The following SNTB1 variants were observed in gnomAD, a reference collection of about 807,000 sequenced individuals.
SNTB1 encodes the protein syntrophin beta 1, also known as beta-1-syntrophin.
A neutral mutation model predicts 48.9 loss-of-function variants in SNTB1; 36 were observed. That is an observed-to-expected ratio of 0.74 (90% CI 0.56 to 0.97). The LOEUF (loss-of-function observed/expected upper bound fraction) is 0.97, where lower values mean the gene tolerates loss of function less well. SNTB1 is among the 50% of genes least tolerant of loss of function. The pLI, the probability that SNTB1 is intolerant of heterozygous loss-of-function variation, is 0.00. For synonymous variants in SNTB1, 299 were observed against 294.6 expected (o/e 1.01, Z -0.15); for missense variants, 786 against 703.4 (o/e 1.12, Z -1.33).
At chr8:120,689,576 C>A (rs1039073688) in intron 2 of SNTB1, among the ~76,000 whole-genome samples, 1 of 152,216 alleles carries the variant, frequency 6.6e-6, no homozygotes, top group African/African-American at 2.4e-5. Flanking sequence ...TAAGATTCCA[C>A]TGTGGGTCTA....
At chr8:120,736,102 G>A (rs1818938758) in intron 1 of SNTB1, among the ~76,000 whole-genome samples, 1 of 152,118 alleles carries the variant, frequency 6.6e-6, no homozygotes, top group Admixed American at 6.5e-5. Context: ...TCACAAGGCG[G>A]CAGGAAGGAG....
At chr8:120,588,035 A>G (rs1157336392) in intron 3 of SNTB1, among the ~76,000 whole-genome samples, 1 of 152,194 alleles carries the variant, frequency 6.6e-6, no homozygotes, top group African/African-American at 2.4e-5. Flanking sequence ...TGAAAGGGAG[A>G]TAACATTATT....
At chr8:120,700,134 T>G (rs759804701) in intron 1 of SNTB1, among the ~76,000 whole-genome samples, 1 of 150,584 alleles carries the variant, frequency 6.6e-6, no homozygotes, top group Non-Finnish European at 1.5e-5. Flanking sequence ...GCAATACTGA[T>G]TCTCGCTCTG....
intron 3 of SNTB1, among the ~76,000 whole-genome samples, chr8:120,576,816 G>C (rs1815959223): frequency 6.6e-6 from 1 of 152,160 alleles, no homozygotes; most frequent in East Asian, 1.9e-4. Context: ...GATTAAATGA[G>C]CTAAAATTTG....
At chr8:120,542,621 T>C (rs1284561314) in intron 5 of SNTB1, among the ~76,000 whole-genome samples, 1 of 151,988 alleles carries the variant, frequency 6.6e-6, no homozygotes. Flanking sequence ...TCCACTGTAC[T>C]CCAGCCTGGG....
Position 120,670,144 on chromosome 8 carries a change from G to A in SNTB1, c.788+23548C>T, listed in dbSNP as rs113650627. ...CTATTATGTGCTTTAGGACACAAACGAAATATGGGATTGTGCTTCAGCATG... is the reference window on the plus strand; with the variant it reads ...CTATTATGTGCTTTAGGACACAAACAAAATATGGGATTGTGCTTCAGCATG... On this transcript the variant is annotated intron_variant, in intron 2 of 6. Transcript: ENST00000517992. Among the ~76,000 whole-genome samples the A allele has an allele frequency of 6.9e-3, 1,046 of 152,292 alleles. 2 individuals are homozygous for A. The highest frequency in any genetic ancestry group is 0.017 in the Middle Eastern group (5 of 294).
intron 3 of SNTB1, among the ~76,000 whole-genome samples, chr8:120,626,222 TAG>T (rs906710966): frequency 7.4e-4 from 112 of 150,526 alleles, no homozygotes; most frequent in African/African-American, 2.5e-3. Context: ...TATATATATA[TAG>T]AGAGAGAGAG....
rs1374297496 is a variant in SNTB1 at position 120,750,611 on chromosome 8, T to A, written c.572-56703A>T. 1.3e-5 allele frequency among the ~76,000 whole-genome samples: 2 copies of A among 152,242 alleles called. 1 individual carries two copies. The highest frequency in any genetic ancestry group is 6.8e-3 in the Middle Eastern group (2 of 294). ...GGACCTCTGACTCTTGGGAGAAAGATGCTGCCGAAAAGGGAATTGATTATA... is the reference window on the plus strand; with the variant it reads ...GGACCTCTGACTCTTGGGAGAAAGAAGCTGCCGAAAAGGGAATTGATTATA... On this transcript the variant is annotated intron_variant, in intron 1 of 6. Coordinates refer to ENST00000517992, the MANE Select transcript of SNTB1 (RefSeq NM_021021.4).
intron 1 of SNTB1, among the ~76,000 whole-genome samples, chr8:120,729,254 G>T (rs979784679): frequency 6.6e-6 from 1 of 152,196 alleles, no homozygotes; most frequent in Non-Finnish European, 1.5e-5. Context: ...AAAGTGCTGG[G>T]ATTACAGGCG....
At chr8:120,799,458 G>A (rs1820178492) in intron 1 of SNTB1, among the ~76,000 whole-genome samples, 1 of 151,804 alleles carries the variant, frequency 6.6e-6, no homozygotes, top group Non-Finnish European at 1.5e-5. Context: ...AAAACAACAA[G>A]AGGATGCTAT....
chr8:120,744,084 C>G (rs962631046), intron 1 of SNTB1, among the ~76,000 whole-genome samples: 1 of 149,038 alleles, frequency 6.7e-6, no homozygotes, highest in Admixed American at 7.0e-5. Flanking sequence ...GAGCTAAGAT[C>G]GTGCCACTGC....
Position 120,632,657 on chromosome 8 carries a change from G to A in SNTB1, c.789-6C>T, listed in dbSNP as rs115243893. The stretch of plus-strand genomic sequence containing the variant: ...GAGAGTGGATTTCAAGCTGCCTAGA[G>A]GAGCACAGAGAGAAGGGTTAGAAAG... On this transcript the variant is annotated splice_region_variant and splice_polypyrimidine_tract_variant and intron_variant, in intron 2 of 6. Transcript: ENST00000517992. The A allele has an allele frequency of 4.7e-4, 756 of 1,613,806 alleles. 5 individuals are homozygous for A. The African/African-American group carries it at 8.4e-3, about 18-fold the overall frequency.
chr8:120,629,738 T>C (rs896085101), intron 3 of SNTB1, among the ~76,000 whole-genome samples: 1 of 152,196 alleles, frequency 6.6e-6, no homozygotes, highest in Non-Finnish European at 1.5e-5. Flanking sequence ...ATGAAGGCAA[T>C]AAAAGACATT....
chr8:120,733,362 G>A (rs949357813), intron 1 of SNTB1, among the ~76,000 whole-genome samples: 5 of 152,248 alleles, frequency 3.3e-5, no homozygotes, highest in South Asian at 2.1e-4. Context: ...ACGCATAGGC[G>A]TCTGTGTCAT....
At chr8:120,710,194 TA>T (rs932084199) in intron 1 of SNTB1, among the ~76,000 whole-genome samples, 3 of 152,188 alleles carry the variant, frequency 2.0e-5, no homozygotes, top group Non-Finnish European at 4.4e-5. Context: ...CCTCCTATTC[TA>T]AAACACTATC....
At chr8:120,548,116 A>G (rs1176610392) in intron 5 of SNTB1, among the ~76,000 whole-genome samples, 1 of 151,968 alleles carries the variant, frequency 6.6e-6, no homozygotes, top group Admixed American at 6.6e-5. Flanking sequence ...GGTTGTTTAA[A>G]ATAGTGCGGC....
At chr8:120,581,386 C>T (rs1816046926) in intron 3 of SNTB1, among the ~76,000 whole-genome samples, 1 of 152,044 alleles carries the variant, frequency 6.6e-6, no homozygotes, top group Non-Finnish European at 1.5e-5. Flanking sequence ...GGCAGATCCC[C>T]TGTGGCCAGG....
intron 1 of SNTB1, among the ~76,000 whole-genome samples, chr8:120,787,961 T>C (rs954581945): frequency 6.6e-5 from 10 of 152,012 alleles, no homozygotes; most frequent in African/African-American, 2.4e-4. Context: ...AAGAAACAAT[T>C]CTAACAGCAG....
At chr8:120,563,474 G>T (rs1462099423) in intron 4 of SNTB1, among the ~76,000 whole-genome samples, 4 of 152,082 alleles carry the variant, frequency 2.6e-5, no homozygotes, top group African/African-American at 7.2e-5. Context: ...TTGAAGTTTG[G>T]CAGTGGAAGA....
Sources: gnomAD v4.1 joint callset for allele counts (sites outside exome capture counted in the v4.1 genomes callset) on GRCh38, gnomAD v4.1.1 for gene constraint, MANE v1.5 for transcripts, NCBI Gene and HGNC (gene_info 2026-07-23, HGNC 2026-07-21) for gene names.